Variants in CADM2 observed in about 807,000 individuals in gnomAD.
CADM2 encodes the protein cell adhesion molecule 2.
A neutral mutation model predicts 49.8 loss-of-function variants in CADM2; 12 were observed. That is an observed-to-expected ratio of 0.24 (90% CI 0.15 to 0.39). CADM2 has a LOEUF of 0.39. Ranked by LOEUF, CADM2 falls within the 10% of genes least tolerant of loss-of-function variation. The pLI, the probability that CADM2 is intolerant of heterozygous loss-of-function variation, is 1.00. For missense variants in CADM2, 378 were observed against 492.3 expected, an observed-to-expected ratio of 0.77 and a Z score of 2.20; for synonymous variants, 214 against 175.4, an observed-to-expected ratio of 1.22 and a Z score of -1.74.
At chr3:85,059,793 G>A (rs1182650165) in intron 1 of CADM2, among the ~76,000 whole-genome samples, 2 of 152,154 alleles carry the variant, frequency 1.3e-5, no homozygotes, top group African/African-American at 4.8e-5. Flanking sequence ...CAGCCATGTG[G>A]AACTGTAAGT....
At chr3:85,056,037 A>G (rs2036066557) in intron 1 of CADM2, among the ~76,000 whole-genome samples, 1 of 152,198 alleles carries the variant, frequency 6.6e-6, no homozygotes, top group East Asian at 1.9e-4. Context: ...AACCAAATCC[A>G]TATAAATGTG....
At chr3:85,952,225 C>T (rs1477007736) in intron 7 of CADM2, among the ~76,000 whole-genome samples, 1 of 150,814 alleles carries the variant, frequency 6.6e-6, no homozygotes, top group East Asian at 2.0e-4. Context: ...GACAAACATT[C>T]AGGACAATAA....
intron 8 of CADM2, among the ~76,000 whole-genome samples, chr3:86,061,022 A>G (rs1029746101): frequency 6.6e-6 from 1 of 151,226 alleles, no homozygotes; most frequent in Admixed American, 6.6e-5. Context: ...AGCTTTGAAT[A>G]TTTTTAATAT....
chr3:85,089,706 C>T (rs920823840), intron 1 of CADM2, among the ~76,000 whole-genome samples: 1 of 151,994 alleles, frequency 6.6e-6, no homozygotes, highest in Non-Finnish European at 1.5e-5. Flanking sequence ...TACTTTTAGG[C>T]TTCCAGACTT....
At chr3:85,284,978 C>A (rs113995234) in intron 1 of CADM2, among the ~76,000 whole-genome samples, 2 of 152,054 alleles carry the variant, frequency 1.3e-5, no homozygotes, top group African/African-American at 4.8e-5. Flanking sequence ...TCTAGAGAAA[C>A]ATGGCAGTGC....
At position 85,610,875 on chromosome 3, in the gene CADM2, T is replaced by G. The variant is rs2063664273; in HGVS notation, c.62-115647T>G. 3.9e-5 allele frequency among the ~76,000 whole-genome samples: 6 copies of G among 152,106 alleles called. No homozygotes were observed. In the South Asian group the frequency reaches 1.2e-3, roughly 32 times the overall value. Reference sequence around the variant, plus strand: ...ACAGAACAACTTGATATAGACTGTTTCATTTATTTTTACATGTCACATCCT... The same window carrying G: ...ACAGAACAACTTGATATAGACTGTTGCATTTATTTTTACATGTCACATCCT... On this transcript the variant is annotated intron_variant, in intron 1 of 9. Coordinates refer to ENST00000383699, the MANE Select transcript of CADM2 (RefSeq NM_001167675.2).
intron 1 of CADM2, among the ~76,000 whole-genome samples, chr3:85,678,894 G>A (rs1035935270): frequency 8.5e-5 from 13 of 152,080 alleles, no homozygotes; most frequent in African/African-American, 2.4e-4. Flanking sequence ...CCTGGCATCC[G>A]TTAGATAGAT....
At chr3:85,074,511 T>A (rs985675429) in intron 1 of CADM2, among the ~76,000 whole-genome samples, 2 of 152,136 alleles carry the variant, frequency 1.3e-5, no homozygotes, top group African/African-American at 4.8e-5. Context: ...TGTGACAACT[T>A]TTTATCACTT....
rs575136197 is a variant in CADM2 at position 85,989,928 on chromosome 3, G to A, written c.970+28281G>A. Among the ~76,000 whole-genome samples, 16 of 137,150 alleles carry A rather than the reference G, an allele frequency of 1.2e-4. No individual in the cohort carries two copies. The East Asian group carries it at 1.3e-3, about 11-fold the overall frequency. The allele number at this position is 137,150 out of a possible 152,430, so 90.0% of individuals were successfully genotyped here. Reference sequence around the variant, plus strand: ...CTCAGGAGGCTGAGGCAGGAGAATCGCTTGACCCGGGAAGGGGAGGTTACA... The same window carrying A: ...CTCAGGAGGCTGAGGCAGGAGAATCACTTGACCCGGGAAGGGGAGGTTACA... On this transcript the variant is annotated intron_variant, in intron 8 of 9. Coordinates refer to ENST00000383699, the MANE Select transcript of CADM2 (RefSeq NM_001167675.2).
intron 1 of CADM2, among the ~76,000 whole-genome samples, chr3:85,169,248 C>T (rs986837040): frequency 6.6e-6 from 1 of 152,106 alleles, no homozygotes; most frequent in Non-Finnish European, 1.5e-5. Flanking sequence ...CTCACCTTGG[C>T]CTTCCAAAGT....
intron 1 of CADM2, among the ~76,000 whole-genome samples, chr3:85,349,946 GA>G (rs1424722038): frequency 6.6e-6 from 1 of 152,162 alleles, no homozygotes; most frequent in African/African-American, 2.4e-5. Context: ...GAATCGTAAG[GA>G]AAAACTGCCT....
chr3:85,882,809 T>C (rs867946383), intron 3 of CADM2, among the ~76,000 whole-genome samples: 4 of 152,186 alleles, frequency 2.6e-5, no homozygotes, highest in Non-Finnish European at 4.4e-5. Flanking sequence ...CTGCTCAATA[T>C]CAGCTCAAGT....
At chr3:85,097,122 T>C (rs186318414) in intron 1 of CADM2, among the ~76,000 whole-genome samples, 53 of 152,296 alleles carry the variant, frequency 3.5e-4, no homozygotes, top group South Asian at 1.2e-3. Context: ...TAGCATTTGG[T>C]ATATATCCTA....
intron 1 of CADM2, among the ~76,000 whole-genome samples, chr3:85,278,647 A>T (rs2043416778): frequency 6.6e-6 from 1 of 151,194 alleles, no homozygotes; most frequent in South Asian, 2.1e-4. Flanking sequence ...TTATAGGGAT[A>T]GTGCATGCTC....
At chr3:85,736,520 G>T (rs1414016395) in intron 2 of CADM2, among the ~76,000 whole-genome samples, 2 of 152,188 alleles carry the variant, frequency 1.3e-5, no homozygotes, top group Non-Finnish European at 2.9e-5. Context: ...GGGACTAAAA[G>T]ACAGCAAGTA....
At chr3:85,232,508 A>G (rs1299994126) in intron 1 of CADM2, among the ~76,000 whole-genome samples, 1 of 152,170 alleles carries the variant, frequency 6.6e-6, no homozygotes, top group Non-Finnish European at 1.5e-5. Flanking sequence ...ATATTTTCAG[A>G]GCACCTATAT....
Position 85,624,206 on chromosome 3 carries a change from G to A in CADM2, c.62-102316G>A, listed in dbSNP as rs145873478. Among the ~76,000 whole-genome samples the A allele has an allele frequency of 9.9e-5, 15 of 152,056 alleles. 1 individual carries two copies. In the East Asian group the frequency reaches 1.5e-3, roughly 16 times the overall value. ...ACTTTCCTCTTTTTGACATTTTTTG[G>A]TCAATAGCTCAGTTATTTTTAAAAA... On this transcript the variant is annotated intron_variant, in intron 1 of 9. Transcript: ENST00000383699.
At chr3:85,876,278 A>G (rs911251261) in intron 3 of CADM2, among the ~76,000 whole-genome samples, 1 of 152,192 alleles carries the variant, frequency 6.6e-6, no homozygotes, top group African/African-American at 2.4e-5. Context: ...AATATAATGA[A>G]TTATAATGAT....
chr3:85,930,685 A>T (rs1009220532), intron 6 of CADM2, among the ~76,000 whole-genome samples: 1 of 152,026 alleles, frequency 6.6e-6, no homozygotes, highest in African/African-American at 2.4e-5. Flanking sequence ...TTTATATCTC[A>T]CAAATAAATG....
Sources: gnomAD v4.1 joint callset for allele counts (sites outside exome capture counted in the v4.1 genomes callset) on GRCh38, gnomAD v4.1.1 for gene constraint, MANE v1.5 for transcripts, NCBI Gene and HGNC (gene_info 2026-07-23, HGNC 2026-07-21) for gene names.